Variants in ZNF699 observed in about 807,000 individuals in gnomAD.
The protein encoded by ZNF699 is hangover homolog.
ZNF699 carries 18 observed loss-of-function variants against 22.5 expected under a neutral mutation model. That is an observed-to-expected ratio of 0.80 (90% CI 0.55 to 1.19). ZNF699 has a LOEUF of 1.19. Among genes scored for constraint, ZNF699 ranks in the 50% most tolerant of loss-of-function variants. ZNF699 has a pLI of 0.00. For missense variants in ZNF699, 670 were observed against 763.4 expected (o/e 0.88, Z 1.44); for synonymous variants, 241 against 262.3 (o/e 0.92, Z 0.78).
Position 9,302,439 on chromosome 19 carries a change from A to G in ZNF699, c.114T>C (p.Leu38=). 1 of 1,614,070 alleles carries G rather than the reference A, an allele frequency of 6.2e-7. No homozygotes were observed. The highest frequency in any genetic ancestry group is 8.5e-7 in the Non-Finnish European group (1 of 1,179,942). Reference sequence around the variant, plus strand: ...CATCTCTGTAGAGGTTTCTCTGAGCAAGATCCAGCAAAGCCCATTCCTCCT... The same window carrying G: ...CATCTCTGTAGAGGTTTCTCTGAGCGAGATCCAGCAAAGCCCATTCCTCCT... ...FTQEEWALLD[L]AQRNLYRDVM... is the part of the protein sequence containing the mutation. Residue 38 remains leucine (L), a synonymous_variant, in exon 3 of 6, where the codon CTT becomes CTC. Coordinates refer to ENST00000591998, the MANE Select transcript of ZNF699 (RefSeq NM_198535.3).
intron 2 of ZNF699, among the ~76,000 whole-genome samples, chr19:9,303,470 C>G (rs940655574): frequency 2.3e-4 from 35 of 152,178 alleles, no homozygotes; most frequent in Non-Finnish European, 3.8e-4. Flanking sequence ...GATAAAATAG[C>G]CAGATGAAGA....
Position 9,295,309 on chromosome 19 carries a change from A to C in ZNF699, c.*166T>G. 1.2e-6 allele frequency: 1 copy of C among 802,526 alleles called. No individual in the cohort carries two copies. Among genetic ancestry groups the C allele is most frequent in the Non-Finnish European group, 1.9e-6 (1 of 515,324 alleles). 49.7% of individuals were successfully genotyped at this position (802,526 alleles called of 1,614,324 possible). ...AATAAGCAATGTTCATAAAGGCTTT[A>C]GCACATGACTTACATACACAGGGTT... On this transcript the variant is annotated 3_prime_UTR_variant, in exon 6 of 6. Coordinates refer to ENST00000591998, the MANE Select transcript of ZNF699 (RefSeq NM_198535.3).
intron 2 of ZNF699, among the ~76,000 whole-genome samples, chr19:9,303,894 T>G (rs2144982026): frequency 6.6e-6 from 1 of 152,162 alleles, no homozygotes; most frequent in East Asian, 1.9e-4. Flanking sequence ...CTCGGCTCAT[T>G]GCAACCTCCA....
chr19:9,304,044 C>G (rs1176855230), intron 2 of ZNF699, among the ~76,000 whole-genome samples: 1 of 152,088 alleles, frequency 6.6e-6, no homozygotes, highest in Non-Finnish European at 1.5e-5. Context: ...TGGTCTCGAA[C>G]TCCTGACCTC....
Position 9,292,713 on chromosome 19 carries a change from G to A in ZNF699, c.*2762C>T, listed in dbSNP as rs1331199981. Among the ~76,000 whole-genome samples the A allele has an allele frequency of 6.6e-6, 1 of 151,664 alleles. No homozygotes were observed. Among genetic ancestry groups the A allele is most frequent in the Non-Finnish European group, 1.5e-5 (1 of 67,972 alleles). On this transcript the variant is annotated 3_prime_UTR_variant, in exon 6 of 6. Transcript: ENST00000591998. ...TGTATATATAATATACATATTTTAT[G>A]TATATATGTAATATATGATACATGG...
At chr19:9,302,281 T>G (rs1401839821) in intron 3 of ZNF699, 97 bp downstream of exon 3, 2 of 1,419,596 alleles carry the variant, frequency 1.4e-6, no homozygotes, top group Non-Finnish European at 2.0e-6. Flanking sequence ...CTTACCAATG[T>G]CTTCCCATTC....
chr19:9,300,912 C>T lies in ZNF699; in HGVS notation c.175+1466G>A, dbSNP rs572285980. Reference sequence around the variant, plus strand: ...TTCCAAACTCATAGAATGTACAATACCAAGAGTGAACCCTAATGTAAATGA... The same window carrying T: ...TTCCAAACTCATAGAATGTACAATATCAAGAGTGAACCCTAATGTAAATGA... On this transcript the variant is annotated intron_variant, in intron 3 of 5. Coordinates refer to ENST00000591998, the MANE Select transcript of ZNF699 (RefSeq NM_198535.3). 1.8e-4 allele frequency among the ~76,000 whole-genome samples: 28 copies of T among 152,198 alleles called. No homozygotes were observed. In the South Asian group the frequency reaches 5.8e-3, roughly 32 times the overall value.
chr19:9,306,082 C>G (rs1462324325), intron 1 of ZNF699, among the ~76,000 whole-genome samples: 1 of 151,618 alleles, frequency 6.6e-6, no homozygotes, highest in Non-Finnish European at 1.5e-5. Flanking sequence ...TCTGCCTGCA[C>G]AGTACAGTAG....
rs1158565421 is a variant in ZNF699, at chr19:9,291,196, C to T, written c.*4279G>A. 6.6e-6 allele frequency among the ~76,000 whole-genome samples: 1 copy of T among 152,024 alleles called. No homozygotes were observed. Among genetic ancestry groups the T allele is most frequent in the Non-Finnish European group, 1.5e-5 (1 of 68,010 alleles). Reference sequence around the variant, plus strand: ...TACCATATTCATCAACTGGAAAACTCGATATTGTAAAGATGTCAATTATCC... The same window carrying T: ...TACCATATTCATCAACTGGAAAACTTGATATTGTAAAGATGTCAATTATCC... On this transcript the variant is annotated 3_prime_UTR_variant, in exon 6 of 6. Transcript: ENST00000591998.
Position 9,294,626 on chromosome 19 carries a change from A to G in ZNF699, c.*849T>C, listed in dbSNP as rs967848775. 1.3e-5 allele frequency: 2 copies of G among 152,216 alleles called. No homozygotes were observed. The highest frequency in any genetic ancestry group is 2.9e-5 in the Non-Finnish European group (2 of 68,032). The allele number at this position is 152,216 out of a possible 1,614,324, so 9.4% of individuals were successfully genotyped here. A position where few individuals can be genotyped will look rare whatever the true frequency, so the allele number is the denominator to read the frequency against. On this transcript the variant is annotated 3_prime_UTR_variant, in exon 6 of 6. Coordinates refer to ENST00000591998, the MANE Select transcript of ZNF699 (RefSeq NM_198535.3). Reference sequence around the variant, plus strand: ...ACAAACTCTTATTTTAGACAAGTCTAACCTAGAACTGGAGAAAAAAGTGAT... The same window carrying G: ...ACAAACTCTTATTTTAGACAAGTCTGACCTAGAACTGGAGAAAAAAGTGAT...
In ZNF699 at chr19:9,296,391, T is replaced by C. The variant is rs1258162669; in HGVS notation, c.1013A>G (p.Lys338Arg). ...AGAGCTAAAGGCCTTCCCACATTCC[T>C]TACATTCATATGGCTTATCTCCACT... ...IHSGDKPYEC[K>R]ECGKAFSSSS... is the part of the protein sequence containing the mutation. Residue 338 changes from lysine (K) to arginine (R), a missense_variant, in exon 6 of 6, where the codon AAG becomes AGG. By Grantham distance (26) the Lys-to-Arg change is conservative. Coordinates refer to ENST00000591998, the MANE Select transcript of ZNF699 (RefSeq NM_198535.3). The C allele has an allele frequency of 1.2e-6, 2 of 1,614,094 alleles. No individual in the cohort carries two copies. The highest frequency in any genetic ancestry group is 1.7e-6 in the Non-Finnish European group (2 of 1,179,970).
intron 3 of ZNF699, among the ~76,000 whole-genome samples, chr19:9,301,056 G>A (rs535982030): frequency 1.1e-4 from 16 of 151,826 alleles, no homozygotes; most frequent in Admixed American, 5.9e-4. Flanking sequence ...GAGGTTATAC[G>A]GGAAATCTCT....
At chr19:9,302,584 C>T (rs969495328) in intron 2 of ZNF699, 80 bp from the exon 3 acceptor site, 39 of 1,448,588 alleles carry the variant, frequency 2.7e-5, no homozygotes, top group Admixed American at 9.2e-5. Context: ...CTCACAACAT[C>T]GAGGAAATGA....
intron 1 of ZNF699, among the ~76,000 whole-genome samples, chr19:9,305,795 G>A (rs1301905564): frequency 1.3e-5 from 2 of 151,674 alleles, no homozygotes; most frequent in East Asian, 2.0e-4. Flanking sequence ...TCCACCTCCC[G>A]GGTTCATGCC....
intron 3 of ZNF699, among the ~76,000 whole-genome samples, chr19:9,299,123 A>G (rs2066297703): frequency 6.6e-6 from 1 of 152,134 alleles, no homozygotes; most frequent in South Asian, 2.1e-4. Flanking sequence ...CTGTTTGGCA[A>G]TGACATTTTA....
At chr19:9,299,427 C>T (rs569237541) in intron 3 of ZNF699, among the ~76,000 whole-genome samples, 2 of 152,288 alleles carry the variant, frequency 1.3e-5, no homozygotes, top group South Asian at 4.1e-4. Context: ...AGCCACCATG[C>T]CTGGCCTGAC....
intron 2 of ZNF699, among the ~76,000 whole-genome samples, chr19:9,303,052 C>A (rs931264816): frequency 6.6e-6 from 1 of 152,072 alleles, no homozygotes; most frequent in Non-Finnish European, 1.5e-5. Context: ...ATTTATCTCC[C>A]CACAATCTGA....
Position 9,295,905 on chromosome 19 carries a change from T to C in ZNF699, c.1499A>G (p.Glu500Gly). The C allele has an allele frequency of 6.2e-7, 1 of 1,614,130 alleles. No individual in the cohort carries two copies. Among genetic ancestry groups the C allele is most frequent in the Non-Finnish European group, 8.5e-7 (1 of 1,180,022 alleles). Residue 500 changes from glutamate (E) to glycine (G), a missense_variant, in exon 6 of 6, where the codon GAG (glutamate) becomes GGG (glycine). By Grantham distance (98) the Glu-to-Gly change is moderately conservative. Coordinates refer to ENST00000591998, the MANE Select transcript of ZNF699 (RefSeq NM_198535.3). The stretch of plus-strand genomic sequence containing the variant: ...ACATTCTTTACATTCATACGGCTTC[T>C]CTCCGCTGTGAGTTCTTAGGTGTTC... ...LTEHLRTHSGEKPYECKECGK... is the reference protein window; with the variant it reads ...LTEHLRTHSGGKPYECKECGK...
intron 2 of ZNF699, among the ~76,000 whole-genome samples, chr19:9,303,879 G>A (rs540940437): frequency 6.6e-6 from 1 of 151,184 alleles, no homozygotes; most frequent in Non-Finnish European, 1.5e-5. Context: ...GTGCAGTGGC[G>A]CGATCTCGGC....
Sources: gnomAD v4.1 joint callset for allele counts (sites outside exome capture counted in the v4.1 genomes callset) on GRCh38, gnomAD v4.1.1 for gene constraint, MANE v1.5 for transcripts, NCBI Gene and HGNC (gene_info 2026-07-23, HGNC 2026-07-21) for gene names.